The following CTNND2 variants were observed in gnomAD, a reference collection of about 807,000 sequenced individuals.
The protein encoded by CTNND2 is catenin delta-2.
CTNND2 carries 22 observed loss-of-function variants against 144.4 expected under a neutral mutation model. The ratio of observed to expected loss-of-function variants is 0.15; its 90% confidence interval spans 0.11 to 0.22. The LOEUF is 0.22. Among genes scored for constraint, CTNND2 ranks in the 10% least tolerant of loss-of-function variants. CTNND2 has a pLI of 1.00. For synonymous variants in CTNND2, 751 were observed against 695.6 expected (o/e 1.08, Z -1.25); for missense variants, 1,353 against 1,618.8 (o/e 0.84, Z 2.82).
At chr5:11,796,268 T>C (rs542784113) in intron 1 of CTNND2, among the ~76,000 whole-genome samples, 2 of 152,316 alleles carry the variant, frequency 1.3e-5, no homozygotes, top group Admixed American at 6.5e-5. Flanking sequence ...TTCCAGGGAT[T>C]AGGACAAGGT....
intron 6 of CTNND2, among the ~76,000 whole-genome samples, chr5:11,387,120 A>G (rs539957182): frequency 1.3e-4 from 10 of 74,208 alleles, no homozygotes; most frequent in East Asian, 3.9e-4. Flanking sequence ...TGAAGGTGAG[A>G]CCATATATCA....
intron 3 of CTNND2, among the ~76,000 whole-genome samples, chr5:11,478,825 G>T (rs1767987766): frequency 6.6e-6 from 1 of 152,196 alleles, no homozygotes; most frequent in Non-Finnish European, 1.5e-5. Flanking sequence ...TGAATATAAA[G>T]AAATTCATCA....
intron 18 of CTNND2, among the ~76,000 whole-genome samples, chr5:11,006,054 A>T (rs79934497): frequency 1.3e-5 from 2 of 152,046 alleles, no homozygotes. Context: ...CTATTAAAAA[A>T]AACAACAACA....
intron 1 of CTNND2, among the ~76,000 whole-genome samples, chr5:11,870,609 G>C (rs191804290): frequency 6.6e-6 from 1 of 152,124 alleles, no homozygotes; most frequent in East Asian, 1.9e-4. Context: ...GTGCCTAGTC[G>C]GCTTTTACAG....
chr5:11,205,665 G>A (rs1014960208), intron 10 of CTNND2, among the ~76,000 whole-genome samples: 14 of 152,150 alleles, frequency 9.2e-5, no homozygotes, highest in African/African-American at 3.4e-4. Context: ...CATAAAATAT[G>A]AACTGAGGTA....
intron 6 of CTNND2, among the ~76,000 whole-genome samples, chr5:11,395,857 T>C (rs1760065545): frequency 6.6e-6 from 1 of 152,226 alleles, no homozygotes; most frequent in Non-Finnish European, 1.5e-5. Context: ...GAACACATAG[T>C]GGTGCCTGCA....
At chr5:10,983,010 A>C (rs1737486155) in intron 20 of CTNND2, among the ~76,000 whole-genome samples, 2 of 152,200 alleles carry the variant, frequency 1.3e-5, no homozygotes, top group Non-Finnish European at 2.9e-5. Flanking sequence ...TGAGAAGTGG[A>C]GTTGGGAGAG....
chr5:11,357,499 G>C (rs1341808698), intron 8 of CTNND2, among the ~76,000 whole-genome samples: 1 of 152,122 alleles, frequency 6.6e-6, no homozygotes, highest in Non-Finnish European at 1.5e-5. Context: ...CATAGAAGCA[G>C]AGAGTAGAAT....
At chr5:10,997,584 C>CCAT (rs1168150778) in intron 18 of CTNND2, among the ~76,000 whole-genome samples, 1 of 144,166 alleles carries the variant, frequency 6.9e-6, no homozygotes, top group Non-Finnish European at 1.5e-5. Flanking sequence ...GAGCTAGACT[C>CCAT]CATCTTAAAA....
At chr5:11,019,351 T>A (rs1483998422) in intron 17 of CTNND2, among the ~76,000 whole-genome samples, 1 of 152,228 alleles carries the variant, frequency 6.6e-6, no homozygotes, top group African/African-American at 2.4e-5. Context: ...AGCTAAATAT[T>A]TGTTCATGAC....
At chr5:11,887,767 C>A (rs971409890) in intron 1 of CTNND2, among the ~76,000 whole-genome samples, 2 of 152,184 alleles carry the variant, frequency 1.3e-5, no homozygotes, top group African/African-American at 4.8e-5. Context: ...TCTCCTTGGA[C>A]TCCTCTTGGT....
At chr5:11,850,325 C>T (rs765612400) in intron 1 of CTNND2, among the ~76,000 whole-genome samples, 2 of 152,018 alleles carry the variant, frequency 1.3e-5, no homozygotes, top group South Asian at 2.1e-4. Flanking sequence ...AAATGATGAA[C>T]ATATTTTGTT....
At chr5:11,409,775 T>C (rs1253705687) in intron 5 of CTNND2, among the ~76,000 whole-genome samples, 1 of 152,114 alleles carries the variant, frequency 6.6e-6, no homozygotes, top group Non-Finnish European at 1.5e-5. Context: ...TCCTTTAATT[T>C]CAACACTTAT....
At chr5:11,298,879 T>C (rs1220581078) in intron 9 of CTNND2, among the ~76,000 whole-genome samples, 1 of 152,230 alleles carries the variant, frequency 6.6e-6, no homozygotes, top group Non-Finnish European at 1.5e-5. Flanking sequence ...AGGGTTTTTG[T>C]AAGAATTAAA....
rs570789398 is a variant in CTNND2 at position 11,532,706 on chromosome 5, G to A, written c.287+32238C>T. Among the ~76,000 whole-genome samples, 10 of 152,208 alleles carry A rather than the reference G, an allele frequency of 6.6e-5. No individual in the cohort carries two copies. In the South Asian group the frequency reaches 8.3e-4, roughly 13 times the overall value. ...AAATTATTTCTATAGGTTCAATATC[G>A]CAAAACAAAATCAAGAAGGGCCTTA... On this transcript the variant is annotated intron_variant, in intron 3 of 21. Transcript: ENST00000304623.
At chr5:11,893,215 C>T (rs543491705) in intron 1 of CTNND2, among the ~76,000 whole-genome samples, 12 of 152,148 alleles carry the variant, frequency 7.9e-5, no homozygotes, top group East Asian at 1.9e-4. Flanking sequence ...TTAAGAGAAT[C>T]GGCACATGGA....
At chr5:11,268,281 G>A (rs1216584310) in intron 9 of CTNND2, among the ~76,000 whole-genome samples, 2 of 152,056 alleles carry the variant, frequency 1.3e-5, no homozygotes, top group African/African-American at 2.4e-5. Flanking sequence ...CCAAAGATTC[G>A]ATTTAAAAAT....
chr5:11,182,563 G>A (rs972548819), intron 11 of CTNND2, among the ~76,000 whole-genome samples: 1 of 142,894 alleles, frequency 7.0e-6, no homozygotes, highest in Non-Finnish European at 1.5e-5. Flanking sequence ...CTTAATTGCA[G>A]GTGATTGCCC....
chr5:11,065,637 C>A (rs1039992470), intron 16 of CTNND2, among the ~76,000 whole-genome samples: 1 of 152,152 alleles, frequency 6.6e-6, no homozygotes, highest in African/African-American at 2.4e-5. Flanking sequence ...TTTAACATGC[C>A]CAAATTCCTA....
Sources: allele counts gnomAD v4.1 joint callset (sites outside exome capture counted in the v4.1 genomes callset), GRCh38; gene constraint gnomAD v4.1.1; transcripts MANE v1.5; gene names NCBI Gene and HGNC (gene_info 2026-07-23, HGNC 2026-07-21).